The following NCKAP1L variants were observed in gnomAD, a reference collection of about 807,000 sequenced individuals.
NCKAP1L encodes the protein nck-associated protein 1-like.
NCKAP1L carries 53 observed loss-of-function variants against 139.2 expected under a neutral mutation model. The ratio of observed to expected loss-of-function variants is 0.38; its 90% confidence interval spans 0.31 to 0.48. The LOEUF is 0.48. Among genes scored for constraint, NCKAP1L ranks in the 20% least tolerant of loss-of-function variants. NCKAP1L has a pLI of 0.98. For missense variants in NCKAP1L, 1,151 were observed against 1,381.9 expected (o/e 0.83, Z 2.65); for synonymous variants, 468 against 499.7 (o/e 0.94, Z 0.85).
At chr12:54,540,230 A>T (rs750346499) in intron 30 of NCKAP1L, among the ~76,000 whole-genome samples, 2 of 152,338 alleles carry the variant, frequency 1.3e-5, no homozygotes, top group Non-Finnish European at 2.9e-5. Context: ...GCTAGGGGCC[A>T]GGGATTCCTG....
At chr12:54,501,081 G>A (rs1592335043) in intron 3 of NCKAP1L, 1 of 152,726 alleles carries the variant, frequency 6.5e-6, no homozygotes, top group African/African-American at 2.4e-5. Context: ...TTGTAAACCT[G>A]AAACTCTCTA....
chr12:54,499,410 C>T lies in NCKAP1L; in HGVS notation c.158C>T (p.Pro53Leu), dbSNP rs201460980. Residue 53 changes from proline to leucine, a missense_variant, in exon 2 of 31, where the codon CCA becomes CTA. Pro to Leu is a moderately conservative substitution (Grantham distance 98). Transcript: ENST00000293373. Reference protein sequence around the residue: ...PPFLLEKSMEPSLKYINKKFP... With the variant: ...PPFLLEKSMELSLKYINKKFP... ...TTCTTACTGGAAAAGTCCATGGAAC[C>T]ATCTCTCAAGTATATCAACAAGAAA... 485 of 1,612,790 alleles carry T rather than the reference C, an allele frequency of 3.0e-4. No individual in the cohort carries two copies. Among genetic ancestry groups the T allele is most frequent in the Non-Finnish European group, 3.8e-4 (450 of 1,178,920 alleles).
intron 3 of NCKAP1L, among the ~76,000 whole-genome samples, chr12:54,506,796 AAT>A (rs1171488876): frequency 2.0e-4 from 10 of 50,608 alleles, no homozygotes; most frequent in African/African-American, 3.3e-4. Context: ...AAAAAAAAAA[AAT>A]ATATATATAT....
chr12:54,509,259 G>A (rs532264422), intron 5 of NCKAP1L, among the ~76,000 whole-genome samples: 1 of 152,116 alleles, frequency 6.6e-6, no homozygotes, highest in African/African-American at 2.4e-5. Flanking sequence ...ATGATGATGT[G>A]TATTCCCACA....
intron 9 of NCKAP1L, among the ~76,000 whole-genome samples, chr12:54,514,574 C>T (rs960264180): frequency 3.3e-5 from 5 of 152,156 alleles, no homozygotes; most frequent in East Asian, 1.9e-4. Context: ...CCACCCACCT[C>T]GGCCTCCCAA....
In NCKAP1L at chr12:54,509,748, C is replaced by T. The variant is rs1345241363; in HGVS notation, c.586C>T (p.Pro196Ser). Residue 196 changes from proline (P) to serine (S), a missense_variant, in exon 6 of 31, where the codon CCT becomes TCT. Coordinates refer to ENST00000293373, the MANE Select transcript of NCKAP1L (RefSeq NM_005337.5). The part of the protein sequence containing the change: ...PLKKLTEEFG[P>S]HTKAVSGALL... ...GAAGAAGCTGACAGAAGAGTTTGGG[C>T]CTCACACAAAGGCAAGTTCCCTGAC... 6.2e-7 allele frequency: 1 copy of T among 1,614,112 alleles called. No individual in the cohort carries two copies. Among genetic ancestry groups the T allele is most frequent in the Admixed American group, 1.7e-5 (1 of 60,020 alleles).
chr12:54,517,476 T>C, intron 11 of NCKAP1L, 57 bp from the exon 12 acceptor site: 2 of 1,117,766 alleles, frequency 1.8e-6, no homozygotes, highest in Non-Finnish European at 2.7e-6. Flanking sequence ...GTTTACTCTG[T>C]GCTTTGAAAT....
chr12:54,535,294 T>C (rs1054595665), intron 27 of NCKAP1L, 97 bp downstream of exon 27: 2 of 905,134 alleles, frequency 2.2e-6, no homozygotes, highest in African/African-American at 3.3e-5. Context: ...TTATTTGAGA[T>C]TATATATTCA....
At chr12:54,512,803 A>G (rs550009356) in intron 9 of NCKAP1L, among the ~76,000 whole-genome samples, 5 of 147,338 alleles carry the variant, frequency 3.4e-5, no homozygotes, top group Non-Finnish European at 6.0e-5. Context: ...TGTGTGAGTA[A>G]TTGTGTGTGT....
intron 1 of NCKAP1L, among the ~76,000 whole-genome samples, chr12:54,498,252 T>G (rs933486983): frequency 6.6e-6 from 1 of 152,062 alleles, no homozygotes; most frequent in Non-Finnish European, 1.5e-5. Context: ...TCCTCTACAC[T>G]CTGAAGAGAT....
intron 3 of NCKAP1L, among the ~76,000 whole-genome samples, chr12:54,501,090 T>C (rs1956794589): frequency 6.6e-6 from 1 of 152,216 alleles, no homozygotes; most frequent in African/African-American, 2.4e-5. Flanking sequence ...TGAAACTCTC[T>C]ACCCTTTATG....
intron 27 of NCKAP1L, among the ~76,000 whole-genome samples, chr12:54,535,400 T>G (rs917165797): frequency 1.3e-5 from 2 of 152,230 alleles, no homozygotes; most frequent in Non-Finnish European, 2.9e-5. Context: ...CTAGTTGATC[T>G]ACATCCTCAG....
intron 3 of NCKAP1L, among the ~76,000 whole-genome samples, chr12:54,505,300 T>C (rs549663821): frequency 7.9e-5 from 12 of 152,198 alleles, no homozygotes; most frequent in Admixed American, 7.2e-4. Flanking sequence ...TCCTTATCTG[T>C]TAATTTAGAC....
intron 3 of NCKAP1L, among the ~76,000 whole-genome samples, chr12:54,506,577 C>T (rs1413021640): frequency 1.3e-5 from 2 of 150,352 alleles, no homozygotes; most frequent in African/African-American, 4.9e-5. Context: ...CAGGCATGTG[C>T]CACCACACCC....
At chr12:54,501,703 C>T (rs1351266347) in intron 3 of NCKAP1L, among the ~76,000 whole-genome samples, 2 of 151,990 alleles carry the variant, frequency 1.3e-5, no homozygotes, top group Non-Finnish European at 2.9e-5. Flanking sequence ...ATGGGGTATC[C>T]CCATGTTGGC....
At chr12:54,514,615 G>A (rs547545664) in intron 9 of NCKAP1L, among the ~76,000 whole-genome samples, 5 of 152,126 alleles carry the variant, frequency 3.3e-5, no homozygotes, top group South Asian at 2.1e-4. Flanking sequence ...GAGCCACCGC[G>A]CCTGGCCTTG....
At chr12:54,521,314 C>T in intron 18 of NCKAP1L, 76 bp downstream of exon 18, 3 of 1,575,476 alleles carry the variant, frequency 1.9e-6, no homozygotes, top group Non-Finnish European at 2.6e-6. Context: ...ACTTTGTTTC[C>T]CTCTCAGATG....
chr12:54,499,613 T>C, intron 2 of NCKAP1L, 148 bp downstream of exon 2: 1 of 593,482 alleles, frequency 1.7e-6, no homozygotes, highest in African/African-American at 1.9e-5. Context: ...ACCACAGGGC[T>C]TCAGGTTGTT....
chr12:54,519,095 CA>C, intron 15 of NCKAP1L, 91 bp from the exon 16 acceptor site: 1 of 1,567,648 alleles, frequency 6.4e-7, no homozygotes, highest in South Asian at 1.1e-5. Context: ...GCTAATTGGA[CA>C]AGACATACTC....
Sources: gnomAD v4.1 joint callset for allele counts (sites outside exome capture counted in the v4.1 genomes callset) on GRCh38, gnomAD v4.1.1 for gene constraint, MANE v1.5 for transcripts, NCBI Gene and HGNC (gene_info 2026-07-23, HGNC 2026-07-21) for gene names.